The following SLC44A5 variants were observed in gnomAD, a reference collection of about 807,000 sequenced individuals.
SLC44A5 encodes solute carrier family 44 member 5.
A neutral mutation model predicts 101.8 loss-of-function variants in SLC44A5; 57 were observed. The observed-to-expected ratio is 0.56, with a 90% CI of 0.45 to 0.70. SLC44A5 has a LOEUF of 0.70. Among genes scored for constraint, SLC44A5 ranks in the 30% least tolerant of loss-of-function variants. The pLI, the probability that SLC44A5 is intolerant of heterozygous loss-of-function variation, is 0.00. For missense variants in SLC44A5, 737 were observed against 853.1 expected (o/e 0.86, Z 1.70); for synonymous variants, 281 against 290.9 (o/e 0.97, Z 0.35).
At chr1:75,353,835 T>C (rs1658867959) in intron 3 of SLC44A5, among the ~76,000 whole-genome samples, 1 of 152,248 alleles carries the variant, frequency 6.6e-6, no homozygotes, top group Non-Finnish European at 1.5e-5. Context: ...ACTTGGTTGC[T>C]TCAGTTATAT....
the SLC44A5 span, among the ~76,000 whole-genome samples, chr1:75,700,567 A>G: frequency 6.6e-6 from 1 of 152,228 alleles, no homozygotes; most frequent in Non-Finnish European, 1.5e-5. Context: ...AAGATCTAAA[A>G]TTGACACTCT....
At chr1:75,608,328 G>A (rs1557958813) in intron 1 of SLC44A5, among the ~76,000 whole-genome samples, 1 of 151,086 alleles carries the variant, frequency 6.6e-6, no homozygotes, top group Non-Finnish European at 1.5e-5. Flanking sequence ...AAATGTGAGG[G>A]GTATGTGTGT....
chr1:75,396,826 T>A (rs1012948830), intron 2 of SLC44A5, among the ~76,000 whole-genome samples: 1 of 152,110 alleles, frequency 6.6e-6, no homozygotes, highest in African/African-American at 2.4e-5. Flanking sequence ...ACCAAAAAAA[T>A]AATTCATGAA....
intron 6 of SLC44A5, among the ~76,000 whole-genome samples, chr1:75,264,142 A>G (rs1650789325): frequency 6.6e-6 from 1 of 151,892 alleles, no homozygotes; most frequent in South Asian, 2.1e-4. Context: ...AAAAAAAAAA[A>G]AAAAAGGAAT....
intron 2 of SLC44A5, among the ~76,000 whole-genome samples, chr1:75,527,848 G>A (rs996023234): frequency 2.6e-5 from 4 of 152,196 alleles, no homozygotes; most frequent in South Asian, 2.1e-4. Flanking sequence ...TCACATATAC[G>A]ATTGCAGCAC....
chr1:75,582,744 A>G (rs1024575660), intron 1 of SLC44A5, among the ~76,000 whole-genome samples: 6 of 152,220 alleles, frequency 3.9e-5, no homozygotes, highest in Non-Finnish European at 8.8e-5. Context: ...GAAACTTTCT[A>G]ATTTAGCCTC....
intron 1 of SLC44A5, among the ~76,000 whole-genome samples, chr1:75,579,588 C>T (rs189343160): frequency 6.6e-6 from 1 of 152,154 alleles, no homozygotes; most frequent in Non-Finnish European, 1.5e-5. Flanking sequence ...AAATGGATAG[C>T]CTTTTTGCTT....
intron 4 of SLC44A5, among the ~76,000 whole-genome samples, chr1:75,316,831 T>C (rs1655729299): frequency 6.6e-6 from 1 of 152,166 alleles, no homozygotes; most frequent in Non-Finnish European, 1.5e-5. Flanking sequence ...ATGAAAGAAA[T>C]GCTTATTCAC....
At chr1:75,342,095 C>A (rs1459176143) in intron 3 of SLC44A5, among the ~76,000 whole-genome samples, 1 of 152,126 alleles carries the variant, frequency 6.6e-6, no homozygotes, top group East Asian at 1.9e-4. Flanking sequence ...AGGAGAAAAG[C>A]AGGTCATCAT....
intron 3 of SLC44A5, among the ~76,000 whole-genome samples, chr1:75,384,857 C>T (rs1359354262): frequency 1.3e-5 from 2 of 151,406 alleles, no homozygotes; most frequent in African/African-American, 4.8e-5. Flanking sequence ...AACAAACTAT[C>T]TCTCATACCA....
intron 2 of SLC44A5, among the ~76,000 whole-genome samples, chr1:75,467,920 C>T (rs985813333): frequency 1.0e-5 from 1 of 96,068 alleles, no homozygotes; most frequent in Admixed American, 1.0e-4. Flanking sequence ...AAAATATTTG[C>T]AAACAACCAT....
At chr1:75,687,061 A>G in the SLC44A5 span, among the ~76,000 whole-genome samples, 1 of 152,192 alleles carries the variant, frequency 6.6e-6, no homozygotes, top group African/African-American at 2.4e-5. Context: ...TAGCAAAAGG[A>G]AACTTTTGAA....
intron 2 of SLC44A5, among the ~76,000 whole-genome samples, chr1:75,535,379 G>A (rs536252495): frequency 2.0e-5 from 3 of 152,254 alleles, no homozygotes; most frequent in Non-Finnish European, 2.9e-5. Context: ...CGCAGCTGAA[G>A]TTCAGGGTCT....
chr1:75,622,179 A>G, the SLC44A5 span, among the ~76,000 whole-genome samples: 1 of 152,118 alleles, frequency 6.6e-6, no homozygotes, highest in Non-Finnish European at 1.5e-5. Flanking sequence ...AAAGATATGA[A>G]ATTCAGAAAC....
At chr1:75,503,577 T>C (rs1017206006) in intron 2 of SLC44A5, among the ~76,000 whole-genome samples, 1 of 152,176 alleles carries the variant, frequency 6.6e-6, no homozygotes, top group African/African-American at 2.4e-5. Context: ...CTTTTCTTTA[T>C]AAATTACCTA....
chr1:75,204,883 T>C (rs1260637708), intron 23 of SLC44A5: 1 of 152,214 alleles, frequency 6.6e-6, no homozygotes, highest in East Asian at 1.9e-4. Flanking sequence ...CAGAATCTCT[T>C]GGGCAGAGCA....
chr1:75,712,699 A>G, the SLC44A5 span, among the ~76,000 whole-genome samples: 1 of 126,192 alleles, frequency 7.9e-6, no homozygotes, highest in Admixed American at 8.6e-5. Flanking sequence ...GCATTTGAGA[A>G]AAAAAAAAAA....
intron 2 of SLC44A5, among the ~76,000 whole-genome samples, chr1:75,479,433 A>C (rs2101765285): frequency 6.6e-6 from 1 of 152,340 alleles, no homozygotes; most frequent in African/African-American, 2.4e-5. Context: ...GAGACACAAA[A>C]AACCCTTCAA....
intron 4 of SLC44A5, among the ~76,000 whole-genome samples, chr1:75,339,001 C>T (rs1657661893): frequency 6.6e-6 from 1 of 152,158 alleles, no homozygotes; most frequent in Non-Finnish European, 1.5e-5. Context: ...AATAAGAGGA[C>T]TATGAATTAC....
Sources: allele counts gnomAD v4.1 joint callset (sites outside exome capture counted in the v4.1 genomes callset), GRCh38; gene constraint gnomAD v4.1.1; transcripts MANE v1.5; gene names NCBI Gene and HGNC (gene_info 2026-07-23, HGNC 2026-07-21).